MORC3: variants seen among roughly 807,000 people sequenced by gnomAD.
MORC3 encodes the protein MORC family CW-type zinc finger protein 3.
A neutral mutation model predicts 109.1 loss-of-function variants in MORC3; 31 were observed. That is an observed-to-expected ratio of 0.28 (90% CI 0.21 to 0.38). The LOEUF (loss-of-function observed/expected upper bound fraction) is 0.38, where lower values mean the gene tolerates loss of function less well. MORC3 is among the 10% of genes least tolerant of loss of function. The pLI, the probability that MORC3 is intolerant of heterozygous loss-of-function variation, is 1.00. For missense variants in MORC3, 867 were observed against 1,135.8 expected (o/e 0.76, Z 3.40); for synonymous variants, 395 against 380.7 (o/e 1.04, Z -0.44).
chr21:36,375,360 A>T lies in MORC3; in HGVS notation c.*64A>T. On this transcript the variant is annotated 3_prime_UTR_variant, in exon 17 of 17. Coordinates refer to ENST00000400485, the MANE Select transcript of MORC3 (RefSeq NM_015358.3). ...TTTGGTTGTACAGCTTTCAAAATATAATTAATTTTGTTTTATAGATATGAT... is the reference window on the plus strand; with the variant it reads ...TTTGGTTGTACAGCTTTCAAAATATTATTAATTTTGTTTTATAGATATGAT... The T allele has an allele frequency of 2.1e-6, 3 of 1,433,962 alleles. No individual in the cohort carries two copies. Among genetic ancestry groups the T allele is most frequent in the Non-Finnish European group, 2.8e-6 (3 of 1,055,588 alleles). The allele number at this position is 1,433,962 out of a possible 1,614,324, so 88.8% of individuals were successfully genotyped here.
At chr21:36,345,999 C>T (rs760337564) in intron 8 of MORC3, among the ~76,000 whole-genome samples, 104 of 152,096 alleles carry the variant, frequency 6.8e-4, no homozygotes, top group Middle Eastern at 3.4e-3. Flanking sequence ...ATGCCAGCAC[C>T]TTAATTTCTT....
intron 1 of MORC3, among the ~76,000 whole-genome samples, chr21:36,323,660 T>C (rs1203058706): frequency 6.6e-6 from 1 of 152,192 alleles, no homozygotes; most frequent in Non-Finnish European, 1.5e-5. Flanking sequence ...GATTGGAAAT[T>C]CTTTCCGAAT....
At chr21:36,363,482 C>A (rs1033470355) in intron 13 of MORC3, among the ~76,000 whole-genome samples, 4 of 152,162 alleles carry the variant, frequency 2.6e-5, no homozygotes, top group Non-Finnish European at 5.9e-5. Context: ...TATTGAATAT[C>A]ATAGCTTCGC....
At chr21:36,333,801 T>TTA in intron 2 of MORC3, 83 bp downstream of exon 2, 1 of 1,140,396 alleles carries the variant, frequency 8.8e-7, no homozygotes, top group Non-Finnish European at 1.3e-6. Context: ...TTTTTTTTTT[T>TTA]AAACAGAGTC....
intron 9 of MORC3, among the ~76,000 whole-genome samples, chr21:36,355,233 C>T (rs1182322525): frequency 1.3e-5 from 2 of 152,114 alleles, no homozygotes; most frequent in Non-Finnish European, 2.9e-5. Context: ...CATTGTGTTT[C>T]GGGACAAGTA....
chr21:36,370,358 A>C (rs2085841185), intron 15 of MORC3, among the ~76,000 whole-genome samples: 1 of 151,944 alleles, frequency 6.6e-6, no homozygotes. Flanking sequence ...GGTTCTTCCA[A>C]TGTCTTGAGA....
At chr21:36,355,475 G>T (rs535052211) in intron 9 of MORC3, among the ~76,000 whole-genome samples, 1 of 152,186 alleles carries the variant, frequency 6.6e-6, no homozygotes, top group South Asian at 2.1e-4. Context: ...AAGGCTTAAG[G>T]GTTAGCATCT....
chr21:36,341,354 G>T, intron 5 of MORC3, 45 bp from the exon 6 acceptor site: 1 of 1,543,414 alleles, frequency 6.5e-7, no homozygotes, highest in Non-Finnish European at 8.8e-7. Flanking sequence ...GGCTTATCTT[G>T]CTGTGAAGTT....
At chr21:36,329,044 G>C (rs1453609178) in intron 1 of MORC3, among the ~76,000 whole-genome samples, 2 of 152,080 alleles carry the variant, frequency 1.3e-5, no homozygotes, top group Non-Finnish European at 2.9e-5. Context: ...TGTAATCCCA[G>C]CACTTTGGGA....
At chr21:36,366,776 G>A (rs1233536763) in intron 14 of MORC3, among the ~76,000 whole-genome samples, 12 of 152,100 alleles carry the variant, frequency 7.9e-5, no homozygotes, top group Admixed American at 7.9e-4. Context: ...TTTTAAAGCC[G>A]TATTCTCAAA....
At chr21:36,341,127 A>G (rs1023996725) in intron 5 of MORC3, among the ~76,000 whole-genome samples, 1 of 152,206 alleles carries the variant, frequency 6.6e-6, no homozygotes, top group Non-Finnish European at 1.5e-5. Context: ...TAATTGCTGT[A>G]TCATATAGTA....
intron 9 of MORC3, among the ~76,000 whole-genome samples, chr21:36,351,492 A>AT (rs1411091417): frequency 6.6e-6 from 1 of 152,074 alleles, no homozygotes; most frequent in Non-Finnish European, 1.5e-5. Flanking sequence ...TGAGGGCAGT[A>AT]TTTTTTAGCT....
chr21:36,367,916 T>A (rs540567031), intron 14 of MORC3, among the ~76,000 whole-genome samples: 1 of 152,324 alleles, frequency 6.6e-6, no homozygotes, highest in Admixed American at 6.5e-5. Context: ...AGCAATAGAC[T>A]TGAGAGAGAA....
intron 1 of MORC3, among the ~76,000 whole-genome samples, chr21:36,321,250 A>G (rs2085190947): frequency 6.6e-6 from 1 of 151,788 alleles, no homozygotes; most frequent in African/African-American, 2.4e-5. Flanking sequence ...CGGACTTTAA[A>G]TTTTTTCTAG....
chr21:36,324,240 C>T (rs1244278504), intron 1 of MORC3, among the ~76,000 whole-genome samples: 1 of 151,404 alleles, frequency 6.6e-6, no homozygotes, highest in Non-Finnish European at 1.5e-5. Context: ...TCTCCCTGGA[C>T]AAAATGTTCA....
chr21:36,347,140 T>C (rs546085602), intron 8 of MORC3, among the ~76,000 whole-genome samples: 261 of 152,218 alleles, frequency 1.7e-3, no homozygotes, highest in South Asian at 8.7e-3. Context: ...ATCCATTGCA[T>C]ATTTTTAAGA....
intron 1 of MORC3, among the ~76,000 whole-genome samples, chr21:36,331,907 A>G (rs906221099): frequency 2.0e-5 from 3 of 152,152 alleles, no homozygotes; most frequent in Non-Finnish European, 2.9e-5. Flanking sequence ...TGGGAGGCCA[A>G]TGTGGGAGGA....
intron 10 of MORC3, 76 bp from the exon 11 acceptor site, chr21:36,359,879 A>G (rs2085693307): frequency 6.4e-7 from 1 of 1,557,244 alleles, no homozygotes; most frequent in African/African-American, 1.4e-5. Flanking sequence ...CTTGTGGTAG[A>G]AATGATGTGG....
chr21:36,362,027 G>C lies in MORC3; in HGVS notation c.1407-156G>C, dbSNP rs555834602. The C allele has an allele frequency of 5.0e-5, 40 of 804,702 alleles. No homozygotes were observed. In the African/African-American group the frequency reaches 6.9e-4, roughly 14 times the overall value. The allele number at this position is 804,702 out of a possible 1,614,324, so 49.8% of individuals were successfully genotyped here. ...CAGGCTAAAATTAGGGTGCTACTGA[G>C]ATAAAAGGTAGAAAGTATTTCCTGA... On this transcript the variant is annotated intron_variant, in intron 12 of 16. Transcript: ENST00000400485.
Sources: gnomAD v4.1 joint callset for allele counts (sites outside exome capture counted in the v4.1 genomes callset) on GRCh38, gnomAD v4.1.1 for gene constraint, MANE v1.5 for transcripts, NCBI Gene and HGNC (gene_info 2026-07-23, HGNC 2026-07-21) for gene names.